Variants in RIN2 observed in about 807,000 individuals in gnomAD.
RIN2 encodes Ras and Rab interactor 2.
RIN2 carries 36 observed loss-of-function variants against 78.0 expected under a neutral mutation model. The ratio of observed to expected loss-of-function variants is 0.46; its 90% CI spans 0.35 to 0.61. The LOEUF (loss-of-function observed/expected upper bound fraction) is 0.61, where lower values mean the gene tolerates loss of function less well. RIN2 is among the 20% of genes least tolerant of loss of function. The probability of loss-of-function intolerance (pLI) is 0.00; values close to 1 mark genes in which losing one functional copy is unlikely to be tolerated. For missense variants in RIN2, 1,087 were observed against 1,159.7 expected (o/e 0.94, Z 0.91); for synonymous variants, 466 against 466.8 (o/e 1.00, Z 0.02).
At chr20:19,822,549 C>T (rs6046347) in intron 2 of RIN2, among the ~76,000 whole-genome samples, 8,948 of 152,172 alleles carry the variant, frequency 0.059, 477 homozygotes, top group African/African-American at 0.14. Context: ...TTCATTCCAT[C>T]CGGTATTAGA....
chr20:19,953,799 A>G (rs757419080), intron 4 of RIN2, among the ~76,000 whole-genome samples: 5 of 152,164 alleles, frequency 3.3e-5, no homozygotes, highest in African/African-American at 9.7e-5. Context: ...TTTACCTTCT[A>G]TGAAAGGAAT....
chr20:19,953,123 G>C (rs1057270056), intron 4 of RIN2, among the ~76,000 whole-genome samples: 4 of 150,382 alleles, frequency 2.7e-5, no homozygotes, highest in Non-Finnish European at 5.9e-5. Context: ...GTTGCACGTT[G>C]GGATCCCCTG....
intron 3 of RIN2, among the ~76,000 whole-genome samples, chr20:19,892,435 C>T (rs1291706422): frequency 2.0e-5 from 3 of 152,092 alleles, no homozygotes; most frequent in Admixed American, 1.3e-4. Context: ...GTGCTGGTCT[C>T]GAACTCCTGA....
At chr20:19,952,958 G>T (rs2041381211) in intron 4 of RIN2, among the ~76,000 whole-genome samples, 1 of 152,150 alleles carries the variant, frequency 6.6e-6, no homozygotes. Context: ...TGGTCACTGA[G>T]AGCTTGTTAG....
chr20:19,858,052 A>T (rs1442355651), intron 2 of RIN2, among the ~76,000 whole-genome samples: 1 of 151,968 alleles, frequency 6.6e-6, no homozygotes, highest in Non-Finnish European at 1.5e-5. Flanking sequence ...CTTTTTAATG[A>T]TGTGTTTTGT....
At chr20:19,846,268 G>A (rs2036780590) in intron 2 of RIN2, among the ~76,000 whole-genome samples, 2 of 152,198 alleles carry the variant, frequency 1.3e-5, no homozygotes, top group African/African-American at 2.4e-5. Context: ...TGTGAAGAAA[G>A]TCAATGGTAG....
At chr20:19,936,438 G>C (rs1007394294) in intron 4 of RIN2, among the ~76,000 whole-genome samples, 11 of 152,074 alleles carry the variant, frequency 7.2e-5, no homozygotes, top group African/African-American at 2.7e-4. Flanking sequence ...GTGCCTTGTT[G>C]AGCTAAAATT....
chr20:19,996,821 C>A lies in RIN2; in HGVS notation c.2343C>A (p.Ile781=), dbSNP rs1399771464. The change falls in exon 12 of 13, where the codon ATC becomes ATA. Residue 781 remains isoleucine (I), a synonymous_variant. Coordinates refer to ENST00000255006, the MANE Select transcript of RIN2 (RefSeq NM_018993.4). ...AACGGAGAACCACCAACCGGACCAT[C>A]CCCTCTGTGGACGACTTCCAGGTGT... ...WHKRRTTNRT[I]PSVDDFQNYL... The A allele has an allele frequency of 6.2e-7, 1 of 1,600,558 alleles. No homozygotes were observed.
intron 8 of RIN2, among the ~76,000 whole-genome samples, chr20:19,971,409 A>T (rs966016444): frequency 6.6e-6 from 1 of 152,074 alleles, no homozygotes; most frequent in Non-Finnish European, 1.5e-5. Context: ...CTAAGTCCCC[A>T]CAATTCTGCC....
intron 2 of RIN2, among the ~76,000 whole-genome samples, chr20:19,835,073 A>G (rs1174064504): frequency 5.6e-5 from 5 of 88,658 alleles, no homozygotes; most frequent in Admixed American, 2.6e-4. Context: ...GAAAAAGAGA[A>G]AGAGAAAGAA....
At chr20:19,880,667 C>T (rs184304150) in intron 2 of RIN2, among the ~76,000 whole-genome samples, 248 of 152,028 alleles carry the variant, frequency 1.6e-3, no homozygotes, top group Non-Finnish European at 2.8e-3. Flanking sequence ...TGCACCTAGC[C>T]GAGAAAGTCA....
intron 4 of RIN2, among the ~76,000 whole-genome samples, chr20:19,937,971 C>T (rs1227709434): frequency 6.6e-6 from 1 of 152,152 alleles, no homozygotes; most frequent in African/African-American, 2.4e-5. Flanking sequence ...AGTTTTTGGC[C>T]CGATGGCCAG....
At position 19,923,492 on chromosome 20, in the gene RIN2, T is replaced by TAAAATAAAATAAAATAAAATAAAA. The variant is rs1568614036; in HGVS notation, c.58-11606_58-11605insAAATAAAATAAAATAAAATAAAAA. 1.1e-3 allele frequency among the ~76,000 whole-genome samples: 156 copies of TAAAATAAAATAAAATAAAATAAAA among 140,352 alleles called. 5 individuals carry two copies. Among genetic ancestry groups the TAAAATAAAATAAAATAAAATAAAA allele is most frequent in the African/African-American group, 4.3e-3 (152 of 35,480 alleles). The allele number at this position is 140,352 out of a possible 152,430, so 92.1% of individuals were successfully genotyped here. A position where few individuals can be genotyped will look rare whatever the true frequency, so the allele number is the denominator to read the frequency against. ...AATAAATAAAATAAAATAAAATAAA[T>TAAAATAAAATAAAATAAAATAAAA]ATTGGCTGAGAGGTGTGGTTCACAC... is the stretch of plus-strand genomic sequence containing the variant. On this transcript the variant is annotated intron_variant, in intron 3 of 12. Transcript: ENST00000255006.
chr20:19,915,202 T>C (rs1046070922), intron 3 of RIN2, among the ~76,000 whole-genome samples: 5 of 152,176 alleles, frequency 3.3e-5, no homozygotes, highest in African/African-American at 9.7e-5. Context: ...AGAAAGTTCA[T>C]GTGGGAGAGT....
chr20:19,885,944 TAA>T (rs561127960), intron 2 of RIN2, among the ~76,000 whole-genome samples: 89 of 136,656 alleles, frequency 6.5e-4, no homozygotes, highest in African/African-American at 2.5e-3. Context: ...CTAAAGAAAT[TAA>T]GAGAAGAGGA....
Position 19,993,318 on chromosome 20 carries a change from G to C in RIN2, c.2200+1019G>C, listed in dbSNP as rs529152389. Reference sequence around the variant, plus strand: ...GTTTCAGTCTGGGCTTGAGTAGAAAGGTCCATCTCTGACAGGATTCCCTAA... The same window carrying C: ...GTTTCAGTCTGGGCTTGAGTAGAAACGTCCATCTCTGACAGGATTCCCTAA... On this transcript the variant is annotated intron_variant, in intron 11 of 12. Coordinates refer to ENST00000255006, the MANE Select transcript of RIN2 (RefSeq NM_018993.4). Among the ~76,000 whole-genome samples the C allele has an allele frequency of 2.6e-5, 4 of 151,546 alleles. No individual in the cohort carries two copies. The East Asian group carries it at 7.9e-4, about 30-fold the overall frequency.
intron 3 of RIN2, among the ~76,000 whole-genome samples, chr20:19,902,898 C>T (rs1056951374): frequency 6.6e-6 from 1 of 151,992 alleles, no homozygotes; most frequent in Non-Finnish European, 1.5e-5. Flanking sequence ...TTGAGACCAT[C>T]CTGGCTAACG....
At chr20:19,830,925 A>G (rs776349460) in intron 2 of RIN2, among the ~76,000 whole-genome samples, 2 of 152,140 alleles carry the variant, frequency 1.3e-5, no homozygotes, top group Non-Finnish European at 2.9e-5. Context: ...TATAAGGTTG[A>G]CTCATCCTGA....
At chr20:19,962,242 T>C (rs2041782315) in intron 6 of RIN2, among the ~76,000 whole-genome samples, 1 of 151,482 alleles carries the variant, frequency 6.6e-6, no homozygotes, top group African/African-American at 2.4e-5. Context: ...GCCGTGATCG[T>C]GCCACTGCAC....
Sources: allele counts gnomAD v4.1 joint callset (sites outside exome capture counted in the v4.1 genomes callset), GRCh38; gene constraint gnomAD v4.1.1; transcripts MANE v1.5; gene names NCBI Gene and HGNC (gene_info 2026-07-23, HGNC 2026-07-21).